The following TAF8 variants were observed in gnomAD, a reference collection of about 807,000 sequenced individuals.
TAF8 encodes transcription initiation factor TFIID subunit 8.
TAF8 carries 47 observed loss-of-function variants against 36.5 expected under a neutral mutation model. The ratio of observed to expected loss-of-function variants is 1.29; its 90% CI spans 1.02 to 1.64. The LOEUF (loss-of-function observed/expected upper bound fraction) is 1.64, where lower values mean the gene tolerates loss of function less well. TAF8 is among the 40% of genes most tolerant of loss of function. The pLI, the probability that TAF8 is intolerant of heterozygous loss-of-function variation, is 0.00. For missense variants in TAF8, 420 were observed against 407.6 expected (o/e 1.03, Z -0.26); for synonymous variants, 175 against 159.5 (o/e 1.10, Z -0.73).
rs928658205 is a variant in TAF8 at position 42,055,581 on chromosome 6, A to T, written c.253A>T (p.Arg85Trp). ...CAAGTCTTACTGTGAGCACACAGCC[A>T]GGACCCAGCCCACACTGTCCGATAT... The part of the protein sequence containing the change: ...SAKSYCEHTA[R>W]TQPTLSDIVV... Residue 85 changes from arginine to tryptophan, a missense_variant, in exon 3 of 9, where the codon AGG (arginine) becomes TGG (tryptophan). Coordinates refer to ENST00000372977, the MANE Select transcript of TAF8 (RefSeq NM_138572.3). 1 of 1,614,124 alleles carries T rather than the reference A, an allele frequency of 6.2e-7. No individual in the cohort carries two copies. The highest frequency in any genetic ancestry group is 8.5e-7 in the Non-Finnish European group (1 of 1,180,050).
downstream of TAF8, among the ~76,000 whole-genome samples, chr6:42,086,442 G>A (rs1442031768): frequency 1.3e-5 from 2 of 152,214 alleles, no homozygotes; most frequent in Non-Finnish European, 2.9e-5. Flanking sequence ...GTTCTGAACA[G>A]AATGTGGCTT....
chr6:42,051,706 A>G (rs1764798182), intron 2 of TAF8, 193 bp downstream of exon 2: 2 of 483,424 alleles, frequency 4.1e-6, no homozygotes, highest in Non-Finnish European at 7.1e-6. Context: ...CACGCCTGTA[A>G]TCCCAGTACT....
At chr6:42,065,463 C>G (rs1284433021) in intron 5 of TAF8, among the ~76,000 whole-genome samples, 1 of 152,220 alleles carries the variant, frequency 6.6e-6, no homozygotes, top group African/African-American at 2.4e-5. Flanking sequence ...GAGTAGCAGC[C>G]TGCCGTTTTC....
intron 6 of TAF8, 46 bp from the exon 7 acceptor site, chr6:42,068,419 G>T: frequency 6.2e-7 from 1 of 1,610,824 alleles, no homozygotes. Flanking sequence ...AGCCAGCTGC[G>T]AGGTCTCTGT....
chr6:42,079,965 G>C lies in TAF8; in HGVS notation c.*2420G>C. The C allele has an allele frequency of 1.0e-6, 1 of 984,310 alleles. No individual in the cohort carries two copies. The highest frequency in any genetic ancestry group is 1.2e-6 in the Non-Finnish European group (1 of 829,794). The allele number at this position is 984,310 out of a possible 1,614,324, so 61.0% of individuals were successfully genotyped here. A position where few individuals can be genotyped will look rare whatever the true frequency, so the allele number is the denominator to read the frequency against. The stretch of plus-strand genomic sequence containing the variant: ...CACTGTACTGTGTAAGGAAAGAGCT[G>C]CTTGTCAGGAACGGAAGAGGGGACG... On this transcript the variant is annotated 3_prime_UTR_variant, in exon 9 of 9. Coordinates refer to ENST00000372977, the MANE Select transcript of TAF8 (RefSeq NM_138572.3).
intron 5 of TAF8, 83 bp from the exon 6 acceptor site, chr6:42,066,229 C>A: frequency 6.4e-7 from 1 of 1,551,466 alleles, no homozygotes; most frequent in Non-Finnish European, 8.7e-7. Flanking sequence ...GAGAACAGGG[C>A]ATAGCAACAG....
intron 8 of TAF8, 64 bp from the exon 9 acceptor site, chr6:42,077,469 T>C: frequency 6.2e-7 from 1 of 1,600,668 alleles, no homozygotes; most frequent in East Asian, 2.2e-5. Flanking sequence ...TGGAGCAGTT[T>C]TCCCCTAGAA....
At position 42,050,554 on chromosome 6, in the gene TAF8, G is replaced by A. The variant is rs555280249; in HGVS notation, c.13G>A (p.Ala5Thr). 1.0e-5 allele frequency: 16 copies of A among 1,556,158 alleles called. No individual in the cohort carries two copies. The South Asian group carries it at 1.2e-4, about 12-fold the overall frequency. Residue 5 changes from alanine (A) to threonine (T), a missense_variant, in exon 1 of 9, where the codon GCG (alanine) becomes ACG (threonine). By Grantham distance (58) the Ala-to-Thr change is moderately conservative (BLOSUM62 0). Transcript: ENST00000372977. MADA[A>T]ATAGAGGSGT... ...ACGCCAGAACAAGATGGCCGACGCGGCGGCCACAGCTGGGGCCGGTGGCTC... is the reference window on the plus strand; with the variant it reads ...ACGCCAGAACAAGATGGCCGACGCGACGGCCACAGCTGGGGCCGGTGGCTC...
rs370627159 is a variant in TAF8, at chr6:42,071,878, G to A, written c.780+3271G>A. Among the ~76,000 whole-genome samples the A allele has an allele frequency of 7.5e-4, 114 of 152,260 alleles. 1 individual carries two copies. In the South Asian group the frequency reaches 0.019, roughly 25 times the overall value. ...TGGACATGCATTCACTGACGGTCCC[G>A]TAGTGATGTGAGGTCATGGTGGTAA... On this transcript the variant is annotated intron_variant, in intron 7 of 8. Coordinates refer to ENST00000372977, the MANE Select transcript of TAF8 (RefSeq NM_138572.3).
chr6:42,056,960 C>T (rs972105505), intron 4 of TAF8, among the ~76,000 whole-genome samples: 1 of 152,156 alleles, frequency 6.6e-6, no homozygotes, highest in Admixed American at 6.5e-5. Context: ...TAAAAACTCC[C>T]TCTCAACATA....
At chr6:42,052,428 TCTC>T (rs1478973322) in intron 2 of TAF8, among the ~76,000 whole-genome samples, 1 of 150,362 alleles carries the variant, frequency 6.7e-6, no homozygotes, top group African/African-American at 2.4e-5. Context: ...TTCAAGCAAT[TCTC>T]CTGCCACAGC....
intron 2 of TAF8, among the ~76,000 whole-genome samples, chr6:42,053,000 T>C (rs1764850642): frequency 6.6e-6 from 1 of 152,334 alleles, no homozygotes; most frequent in African/African-American, 2.4e-5. Context: ...GCAGCTGATA[T>C]TTGGCACTTT....
At chr6:42,086,871 C>A, downstream of TAF8, 2 of 985,250 alleles carry the variant, frequency 2.0e-6, no homozygotes, top group Non-Finnish European at 3.1e-6. Flanking sequence ...CTTGCTGGTG[C>A]AGATGCTACC....
At chr6:42,070,155 G>A (rs1283039999) in intron 7 of TAF8, among the ~76,000 whole-genome samples, 1 of 152,002 alleles carries the variant, frequency 6.6e-6, no homozygotes, top group Non-Finnish European at 1.5e-5. Context: ...CCTTATAGCA[G>A]CCACTAGCCA....
chr6:42,077,859 T>G lies in TAF8; in HGVS notation c.*314T>G. ...CAGTCTCAGCAACCCTGGGTCCAAG[T>G]GATTCTCCTGCCTTGGCCTCCCGAG... On this transcript the variant is annotated 3_prime_UTR_variant, in exon 9 of 9. Transcript: ENST00000372977. 5.4e-6 allele frequency: 4 copies of G among 738,182 alleles called. No homozygotes were observed. The highest frequency in any genetic ancestry group is 7.3e-6 in the Non-Finnish European group (4 of 548,018). 45.7% of individuals were successfully genotyped at this position (738,182 alleles called of 1,614,324 possible).
At position 42,078,247 on chromosome 6, in the gene TAF8, C is replaced by T. The variant is rs1765822376; in HGVS notation, c.*702C>T. 5 of 985,360 alleles carry T rather than the reference C, an allele frequency of 5.1e-6. No homozygotes were observed. Among genetic ancestry groups the T allele is most frequent in the South Asian group, 4.7e-5 (1 of 21,294 alleles). The allele number at this position is 985,360 out of a possible 1,614,324, so 61.0% of individuals were successfully genotyped here. A position where few individuals can be genotyped will look rare whatever the true frequency, so the allele number is the denominator to read the frequency against. Reference sequence around the variant, plus strand: ...GGGGCATAGCAGCAGCCAGTGACTTCGTTCATTATCACAGGATTTGATTCC... The same window carrying T: ...GGGGCATAGCAGCAGCCAGTGACTTTGTTCATTATCACAGGATTTGATTCC... On this transcript the variant is annotated 3_prime_UTR_variant, in exon 9 of 9. Transcript: ENST00000372977.
At chr6:42,072,016 C>G (rs1467211911) in intron 7 of TAF8, among the ~76,000 whole-genome samples, 1 of 152,146 alleles carries the variant, frequency 6.6e-6, no homozygotes, top group African/African-American at 2.4e-5. Context: ...GTCAGACTTG[C>G]CTAGCTTCAA....
chr6:42,080,599 C>A lies in TAF8; in HGVS notation c.*3054C>A, dbSNP rs891759047. ...CCAGGTTGGCCAGGGTGGTCTCGAA[C>A]ACCTGACCTCAGATGATCCACCCAC... On this transcript the variant is annotated 3_prime_UTR_variant, in exon 9 of 9. Transcript: ENST00000372977. The A allele has an allele frequency of 1.4e-5, 10 of 738,108 alleles. No individual in the cohort carries two copies. Among genetic ancestry groups the A allele is most frequent in the Non-Finnish European group, 1.5e-5 (9 of 604,734 alleles). 45.7% of individuals were successfully genotyped at this position (738,108 alleles called of 1,614,324 possible).
chr6:42,062,271 C>G (rs1444797982), intron 5 of TAF8, among the ~76,000 whole-genome samples: 1 of 151,904 alleles, frequency 6.6e-6, no homozygotes, highest in East Asian at 1.9e-4. Flanking sequence ...TTTTTAGAAC[C>G]CTTTACAATT....
Sources: allele counts gnomAD v4.1 joint callset (sites outside exome capture counted in the v4.1 genomes callset), GRCh38; gene constraint gnomAD v4.1.1; transcripts MANE v1.5; gene names NCBI Gene and HGNC (gene_info 2026-07-23, HGNC 2026-07-21).